Variants in OFD1 observed in about 807,000 individuals in gnomAD.
OFD1 encodes OFD1 centriole and centriolar satellite protein.
A neutral mutation model predicts 81.4 loss-of-function variants in OFD1; 12 were observed. The observed-to-expected ratio is 0.15, with a 90% CI of 0.09 to 0.24. The LOEUF is 0.24. OFD1 is among the 10% of genes least tolerant of loss of function. OFD1 has a pLI of 1.00. For missense variants in OFD1, 685 were observed against 733.9 expected, an observed-to-expected ratio of 0.93 and a Z score of 0.77; for synonymous variants, 256 against 263.7, an observed-to-expected ratio of 0.97 and a Z score of 0.28.
intron 8 of OFD1, 27 bp from the exon 9 acceptor site, chrX:13,749,400 G>T: frequency 1.0e-6 from 1 of 972,924 alleles, no homozygotes; most frequent in Non-Finnish European, 1.5e-6. Context: ...TAGCTTGCTT[G>T]CTAAAAATTA....
Position 13,746,431 on chromosome X carries a change from A to G in OFD1, c.630A>G (p.Gln210=). ...LNEYKREIEE[Q]LRAEMCQKLK... ...AGTATAAGAGAGAAATAGAAGAGCA[A>G]CTTCGGGCAGAAATGTGTCAAAAGG... Residue 210 remains glutamine, a synonymous_variant, in exon 7 of 23, where the codon CAA becomes CAG. Coordinates refer to ENST00000340096, the MANE Select transcript of OFD1 (RefSeq NM_003611.3). 2 of 1,210,399 alleles carry G rather than the reference A, an allele frequency of 1.7e-6. No individual in the cohort carries two copies. The highest frequency in any genetic ancestry group is 1.7e-5 in the African/African-American group (1 of 57,905).
chrX:13,749,035 C>T (rs1225130305), intron 8 of OFD1, among the ~76,000 whole-genome samples: 1 of 107,867 alleles, frequency 9.3e-6, no homozygotes, highest in East Asian at 2.9e-4. Context: ...GGTGGGAGGA[C>T]CCCTTGAGCT....
At chrX:13,760,942 G>A (rs1602906565) in intron 16 of OFD1, 143 bp from the exon 17 acceptor site, 2 of 850,680 alleles carry the variant, frequency 2.4e-6, no homozygotes, top group East Asian at 6.2e-5. Context: ...TGAATCATTA[G>A]TTTTCTGGAT....
the OFD1 span, among the ~76,000 whole-genome samples, chrX:13,723,148 T>G: frequency 9.1e-6 from 1 of 110,023 alleles, no homozygotes; most frequent in Admixed American, 9.6e-5. Flanking sequence ...TGAATTTTAA[T>G]TAAACATAAA....
upstream of OFD1, among the ~76,000 whole-genome samples, chrX:13,732,958 A>G (rs1351407652): frequency 8.9e-6 from 1 of 112,510 alleles, no homozygotes; most frequent in Non-Finnish European, 1.9e-5. Context: ...GTCTATTACA[A>G]TGAGGAGGGG....
chrX:13,759,814 T>TG (rs1481780417), intron 15 of OFD1, among the ~76,000 whole-genome samples: 1 of 112,554 alleles, frequency 8.9e-6, no homozygotes, highest in Admixed American at 9.4e-5. Flanking sequence ...CAAGTCTGGT[T>TG]GGGCTTTGCC....
chrX:13,741,113 C>G (rs914279328), intron 5 of OFD1, among the ~76,000 whole-genome samples: 1 of 110,303 alleles, frequency 9.1e-6, no homozygotes, highest in African/African-American at 3.3e-5. Context: ...GCGCTCCAGC[C>G]TAGCGACAGA....
At chrX:13,717,501 G>C in the OFD1 span, among the ~76,000 whole-genome samples, 1 of 111,413 alleles carries the variant, frequency 9.0e-6, no homozygotes. Flanking sequence ...TAGCACTTTG[G>C]GAGGCTGAGG....
the OFD1 span, chrX:13,715,987 T>C: frequency 2.6e-6 from 3 of 1,171,777 alleles, no homozygotes; most frequent in African/African-American, 5.3e-5. Context: ...ATTTAAAAAT[T>C]ATAGAACATA....
At chrX:13,739,868 G>A in intron 5 of OFD1, 1 of 753,331 alleles carries the variant, frequency 1.3e-6, no homozygotes, top group Non-Finnish European at 1.6e-6. Flanking sequence ...ACTTGATGAT[G>A]GGCTTTGTAG....
intron 9 of OFD1, among the ~76,000 whole-genome samples, chrX:13,749,848 TC>T (rs1365670284): frequency 8.9e-6 from 1 of 112,618 alleles, no homozygotes; most frequent in African/African-American, 3.2e-5. Flanking sequence ...ATCTGATAGT[TC>T]CGTGTGTGTA....
At chrX:13,718,754 A>G in the OFD1 span, among the ~76,000 whole-genome samples, 2 of 112,259 alleles carry the variant, frequency 1.8e-5, no homozygotes, top group African/African-American at 6.5e-5. Flanking sequence ...TCAATTCCTT[A>G]AAGGACATTA....
At chrX:13,754,041 G>A (rs2047605072) in intron 11 of OFD1, among the ~76,000 whole-genome samples, 1 of 109,121 alleles carries the variant, frequency 9.2e-6, no homozygotes, top group African/African-American at 3.3e-5. Flanking sequence ...GAGTGCAGTG[G>A]TGCGATCTCG....
downstream of OFD1, chrX:13,772,016 T>A (rs1264557517): frequency 8.9e-6 from 1 of 112,482 alleles, no homozygotes; most frequent in Admixed American, 9.4e-5. Context: ...AGGTAACACT[T>A]CTTAATAATT....
At position 13,734,794 on chromosome X, in the gene OFD1, C is replaced by T. The variant is rs2046786490; in HGVS notation, c.-278C>T. 14 of 1,073,140 alleles carry T rather than the reference C, an allele frequency of 1.3e-5. No individual in the cohort carries two copies. Among genetic ancestry groups the T allele is most frequent in the Non-Finnish European group, 1.7e-5 (14 of 834,013 alleles). The allele number at this position is 1,073,140 out of a possible 1,213,427, so 88.4% of individuals were successfully genotyped here. A position where few individuals can be genotyped will look rare whatever the true frequency, so the allele number is the denominator to read the frequency against. On this transcript the variant is annotated 5_prime_UTR_variant, in exon 1 of 23. Transcript: ENST00000340096. ...CCTCGCTGCCTTCAGTCCCTAGTGT[C>T]TGGGTCCCCGCCCTCCAGCCGCCTT...
At chrX:13,725,037 CTG>C in the OFD1 span, among the ~76,000 whole-genome samples, 1 of 113,202 alleles carries the variant, frequency 8.8e-6, no homozygotes, top group Non-Finnish European at 1.9e-5. Context: ...AGGCAGCAGC[CTG>C]GCTGGGGGAG....
intron 20 of OFD1, among the ~76,000 whole-genome samples, chrX:13,767,685 C>T (rs2048184707): frequency 9.0e-6 from 1 of 111,665 alleles, no homozygotes; most frequent in Non-Finnish European, 1.9e-5. Context: ...GGGGCACACA[C>T]TCCCTCCCTC....
At chrX:13,762,206 T>C (rs764950812) in intron 17 of OFD1, 138 bp from the exon 18 acceptor site, 1 of 490,772 alleles carries the variant, frequency 2.0e-6, no homozygotes, top group African/African-American at 2.4e-5. Flanking sequence ...GTGGTGGTGG[T>C]GAGGTGGAGC....
rs772986875 is a variant in OFD1 at position 13,754,086 on chromosome X, ATTCTTCCAC to A, written c.1129+646_1129+654del. Among the ~76,000 whole-genome samples, 198 of 109,117 alleles carry A rather than the reference ATTCTTCCAC, an allele frequency of 1.8e-3. 1 individual carries two copies. Among genetic ancestry groups the A allele is most frequent in the African/African-American group, 6.0e-3 (178 of 29,813 alleles). The allele number at this position is 109,117 out of a possible 115,157, so 94.8% of individuals were successfully genotyped here. ...AAGCTCCACCTCCCAGGTTCACGCC[ATTCTTCCAC>A]CTCAGCCTCCCCAGTAGCTGGGACT... On this transcript the variant is annotated intron_variant, in intron 11 of 22. Coordinates refer to ENST00000340096, the MANE Select transcript of OFD1 (RefSeq NM_003611.3).
Sources: allele counts gnomAD v4.1 joint callset (sites outside exome capture counted in the v4.1 genomes callset), GRCh38; gene constraint gnomAD v4.1.1; transcripts MANE v1.5; gene names NCBI Gene and HGNC (gene_info 2026-07-23, HGNC 2026-07-21).